OTX1: variants seen among roughly 807,000 people sequenced by gnomAD.
OTX1 encodes homeobox protein OTX1.
A neutral mutation model predicts 26.7 loss-of-function variants in OTX1; 7 were observed. The observed-to-expected ratio is 0.26, with a 90% CI of 0.15 to 0.49. The LOEUF is 0.49. OTX1 is among the 20% of genes least tolerant of loss of function. OTX1 has a pLI of 0.98. For missense variants in OTX1, 414 were observed against 483.8 expected, an observed-to-expected ratio of 0.86 and a Z score of 1.35; for synonymous variants, 216 against 212.8, an observed-to-expected ratio of 1.01 and a Z score of -0.13.
At chr2:63,050,695 C>G (rs2153387577), upstream of OTX1, 1 of 151,960 alleles carries the variant, frequency 6.6e-6, no homozygotes, top group Non-Finnish European at 1.5e-5. Flanking sequence ...CGGGGGCGCG[C>G]GGAGGTAACC....
rs1421566397 is a variant in OTX1, at chr2:63,050,879, G to T, written c.-199G>T. ...TCCAATCACCTAAACAACCGAGCAA[G>T]ACAAGCCACTCCGACAAGGTAAATC... On this transcript the variant is annotated 5_prime_UTR_variant, in exon 1 of 5. Transcript: ENST00000282549. The T allele has an allele frequency of 6.6e-6, 1 of 152,270 alleles. No individual in the cohort carries two copies. The highest frequency in any genetic ancestry group is 1.5e-5 in the Non-Finnish European group (1 of 68,092). 9.4% of individuals were successfully genotyped at this position (152,270 alleles called of 1,614,324 possible). A position where few individuals can be genotyped will look rare whatever the true frequency, so the allele number is the denominator to read the frequency against.
rs1014480825 is a variant in OTX1, at chr2:63,050,851, A to G, written c.-227A>G. The G allele has an allele frequency of 6.6e-6, 1 of 152,268 alleles. No homozygotes were observed. The highest frequency in any genetic ancestry group is 1.5e-5 in the Non-Finnish European group (1 of 68,080). 9.4% of individuals were successfully genotyped at this position (152,268 alleles called of 1,614,324 possible). Reference sequence around the variant, plus strand: ...AGGTGATCAATCTTCATCAGGCTACATTTCCAATCACCTAAACAACCGAGC... The same window carrying G: ...AGGTGATCAATCTTCATCAGGCTACGTTTCCAATCACCTAAACAACCGAGC... On this transcript the variant is annotated 5_prime_UTR_variant, in exon 1 of 5. Coordinates refer to ENST00000282549, the MANE Select transcript of OTX1 (RefSeq NM_014562.4).
chr2:63,057,095 A>G lies in OTX1; in HGVS notation c.*779A>G, dbSNP rs2062074102. On this transcript the variant is annotated 3_prime_UTR_variant, in exon 5 of 5. Coordinates refer to ENST00000282549, the MANE Select transcript of OTX1 (RefSeq NM_014562.4). Reference sequence around the variant, plus strand: ...GGTTGAACTGAACATATCTTGTCTTAGCACCCAGGAAACAGAACTTTAAGA... The same window carrying G: ...GGTTGAACTGAACATATCTTGTCTTGGCACCCAGGAAACAGAACTTTAAGA... The G allele has an allele frequency of 6.6e-6, 1 of 152,082 alleles. No homozygotes were observed. Among genetic ancestry groups the G allele is most frequent in the Non-Finnish European group, 1.5e-5 (1 of 68,048 alleles). The allele number at this position is 152,082 out of a possible 1,614,324, so 9.4% of individuals were successfully genotyped here.
intron 4 of OTX1, among the ~76,000 whole-genome samples, chr2:63,054,793 G>A (rs1313090453): frequency 6.6e-6 from 1 of 152,128 alleles, no homozygotes; most frequent in African/African-American, 2.4e-5. Flanking sequence ...CAAGAGTCTC[G>A]CCTCCTTTAC....
chr2:63,052,947 C>G lies in OTX1; in HGVS notation c.-44C>G. ...GGGAGCCCTGCACCGCTCCTGGCCC[C>G]GGGCCCCCTGGATCCGTCGGGGCGC... On this transcript the variant is annotated 5_prime_UTR_variant, in exon 3 of 5. Transcript: ENST00000282549. The G allele has an allele frequency of 7.2e-7, 1 of 1,392,182 alleles. No individual in the cohort carries two copies. 86.2% of individuals were successfully genotyped at this position (1,392,182 alleles called of 1,614,324 possible).
Position 63,056,393 on chromosome 2 carries a change from C to T in OTX1, c.*77C>T, listed in dbSNP as rs1051701117. The T allele has an allele frequency of 7.6e-7, 1 of 1,309,130 alleles. No homozygotes were observed. The highest frequency in any genetic ancestry group is 1.1e-6 in the Non-Finnish European group (1 of 939,376). The allele number at this position is 1,309,130 out of a possible 1,614,324, so 81.1% of individuals were successfully genotyped here. The stretch of plus-strand genomic sequence containing the variant: ...CCCGATCCTGTTGCTGCTGCTGCAC[C>T]GCCCGCCTTTGCCTCGTCTTCTCCA... On this transcript the variant is annotated 3_prime_UTR_variant, in exon 5 of 5. Coordinates refer to ENST00000282549, the MANE Select transcript of OTX1 (RefSeq NM_014562.4).
upstream of OTX1, among the ~76,000 whole-genome samples, chr2:63,050,376 G>A (rs1385487215): frequency 6.6e-6 from 1 of 152,102 alleles, no homozygotes; most frequent in African/African-American, 2.4e-5. Flanking sequence ...CCAGCCCGCC[G>A]CCCCCGGGTC....
At chr2:63,053,276 G>A in intron 3 of OTX1, 189 bp downstream of exon 3, 1 of 465,990 alleles carries the variant, frequency 2.1e-6, no homozygotes, top group Non-Finnish European at 3.7e-6. Context: ...GTGTGAGGTG[G>A]CCAGGGCTGA....
At position 63,055,249 on chromosome 2, in the gene OTX1, G is replaced by A. The variant is rs1426430385; in HGVS notation, c.250-252G>A. Among the ~76,000 whole-genome samples, 1 of 152,234 alleles carries A rather than the reference G, an allele frequency of 6.6e-6. No individual in the cohort carries two copies. The highest frequency in any genetic ancestry group is 2.4e-5 in the African/African-American group (1 of 41,454). ...CCGCCCTAGGGCAGAGTTGCGGTAG[G>A]GGTGGGGAGGTGCGCATCCCTGCTC... On this transcript the variant is annotated intron_variant, in intron 4 of 4. Coordinates refer to ENST00000282549, the MANE Select transcript of OTX1 (RefSeq NM_014562.4). The surrounding 1 kb of genome is among the most constrained non-coding windows in gnomAD (Gnocchi z 5.2).
rs2062076828 is a variant in OTX1, at chr2:63,057,484, G to A, written c.*1168G>A. ...CTAAAACAAGAAAACCAAAACCAGG[G>A]AACAAAACAACAAAACAAAACAAAA... On this transcript the variant is annotated 3_prime_UTR_variant, in exon 5 of 5. Transcript: ENST00000282549. 1 of 152,160 alleles carries A rather than the reference G, an allele frequency of 6.6e-6. No individual in the cohort carries two copies. Among genetic ancestry groups the A allele is most frequent in the African/African-American group, 2.4e-5 (1 of 41,360 alleles). The allele number at this position is 152,160 out of a possible 1,614,324, so 9.4% of individuals were successfully genotyped here.
chr2:63,052,717 CTT>C (rs2062034589), intron 2 of OTX1, among the ~76,000 whole-genome samples, 161 bp from the exon 3 acceptor site: 2 of 152,226 alleles, frequency 1.3e-5, no homozygotes, highest in South Asian at 4.1e-4. Flanking sequence ...ACCCAGAAAA[CTT>C]TACTTTTCAA....
intron 4 of OTX1, among the ~76,000 whole-genome samples, chr2:63,054,635 G>GC (rs1366359611): frequency 6.6e-6 from 1 of 152,226 alleles, no homozygotes; most frequent in African/African-American, 2.4e-5. Context: ...ATTGGCTGGA[G>GC]CCTGGTGCTC....
chr2:63,054,018 A>T, intron 3 of OTX1, 29 bp from the exon 4 acceptor site: 1 of 1,603,032 alleles, frequency 6.2e-7, no homozygotes, highest in Non-Finnish European at 8.5e-7. Flanking sequence ...GCCACCAATG[A>T]CCCGCGGCGC....
intron 4 of OTX1, among the ~76,000 whole-genome samples, chr2:63,054,709 C>T (rs2062051252): frequency 6.6e-6 from 1 of 152,170 alleles, no homozygotes; most frequent in Non-Finnish European, 1.5e-5. Context: ...ATCCTGCTGC[C>T]GGCTTTCTTA....
chr2:63,056,274 G>A lies in OTX1; in HGVS notation c.1023G>A (p.Leu341=), dbSNP rs1265769955. The change falls in exon 5 of 5, where the codon CTG becomes CTA. Residue 341 remains leucine, a synonymous_variant. Coordinates refer to ENST00000282549, the MANE Select transcript of OTX1 (RefSeq NM_014562.4). Reference sequence around the variant, plus strand: ...TCAACTTCAACTCCCCCGACTGTCTGGACTATAAGGACCAAGCCTCATGGC... The same window carrying A: ...TCAACTTCAACTCCCCCGACTGTCTAGACTATAAGGACCAAGCCTCATGGC... ...WKLNFNSPDC[L]DYKDQASWRF... 1.2e-6 allele frequency: 2 copies of A among 1,614,070 alleles called. No homozygotes were observed. The highest frequency in any genetic ancestry group is 1.7e-5 in the Admixed American group (1 of 60,024).
In OTX1 at chr2:63,057,775, G is replaced by A. The variant is rs534976815; in HGVS notation, c.*1459G>A. ...AAATTACTTGTTGAAATGTAAGGCA[G>A]TCCCCCTCCTCCTCTTTATCTACAT... On this transcript the variant is annotated 3_prime_UTR_variant, in exon 5 of 5. Transcript: ENST00000282549. 6.6e-5 allele frequency: 10 copies of A among 152,182 alleles called. No individual in the cohort carries two copies. The highest frequency in any genetic ancestry group is 2.4e-4 in the African/African-American group (10 of 41,514). 9.4% of individuals were successfully genotyped at this position (152,182 alleles called of 1,614,324 possible).
chr2:63,051,870 AC>A (rs1360237589), intron 2 of OTX1: 1 of 152,542 alleles, frequency 6.6e-6, no homozygotes, highest in Non-Finnish European at 1.5e-5. Context: ...TGAGAGTGGC[AC>A]CCCGGGTTCC....
At chr2:63,054,496 G>A (rs2062049523) in intron 4 of OTX1, among the ~76,000 whole-genome samples, 1 of 152,258 alleles carries the variant, frequency 6.6e-6, no homozygotes. Context: ...AATGTAAAGC[G>A]CCCTGCGGGC....
At chr2:63,054,675 C>A (rs966846072) in intron 4 of OTX1, among the ~76,000 whole-genome samples, 3 of 152,290 alleles carry the variant, frequency 2.0e-5, no homozygotes, top group African/African-American at 7.2e-5. Flanking sequence ...GCTTCCTCTG[C>A]TTACAGAGGA....
Sources: allele counts gnomAD v4.1 joint callset (sites outside exome capture counted in the v4.1 genomes callset), GRCh38; gene constraint gnomAD v4.1.1; non-coding constraint Gnocchi (gnomAD v3.1); transcripts MANE v1.5; gene names NCBI Gene and HGNC (gene_info 2026-07-23, HGNC 2026-07-21).